Variants in MBNL3 observed in about 807,000 individuals in gnomAD.
MBNL3 encodes the protein muscleblind-like protein 3.
In MBNL3, 6 loss-of-function variants were observed where a neutral mutation model predicts 24.5. That is an observed-to-expected ratio of 0.25 (90% CI 0.13 to 0.48). MBNL3 has a LOEUF of 0.48. Ranked by LOEUF, MBNL3 falls within the 20% of genes least tolerant of loss-of-function variation. The probability of loss-of-function intolerance (pLI) is 0.99; values close to 1 mark genes in which losing one functional copy is unlikely to be tolerated. For synonymous variants in MBNL3, 100 were observed against 101.7 expected (o/e 0.98, Z 0.10); for missense variants, 230 against 293.5 (o/e 0.78, Z 1.58).
intron 1 of MBNL3, among the ~76,000 whole-genome samples, chrX:132,444,873 G>C (rs1453788630): frequency 2.7e-5 from 3 of 111,737 alleles, no homozygotes; most frequent in East Asian, 2.8e-4. Context: ...AGAGAAGAAA[G>C]ACATGTTTTC....
At chrX:132,417,436 CAAAACA>C (rs899884155) in intron 2 of MBNL3, among the ~76,000 whole-genome samples, 1 of 111,311 alleles carries the variant, frequency 9.0e-6, no homozygotes, top group African/African-American at 3.3e-5. Flanking sequence ...TCTCCACACC[CAAAACA>C]AGAAAAAAAT....
At chrX:132,469,956 A>G (rs1357392425) in intron 1 of MBNL3, among the ~76,000 whole-genome samples, 1 of 111,868 alleles carries the variant, frequency 8.9e-6, no homozygotes, top group Non-Finnish European at 1.9e-5. Context: ...TATAAATTGA[A>G]TCATATCGTA....
intron 3 of MBNL3, among the ~76,000 whole-genome samples, chrX:132,396,772 ACATATATATATTCATATATATATT>A (rs1486763504): frequency 9.2e-5 from 1 of 10,832 alleles, no homozygotes; most frequent in Admixed American, 1.9e-3. Context: ...ATTCATATAT[ACATATATATATTCATATATATATT>A]CATATATATT....
chrX:132,467,195 G>A (rs1289576802), intron 1 of MBNL3, among the ~76,000 whole-genome samples: 1 of 111,550 alleles, frequency 9.0e-6, no homozygotes, highest in African/African-American at 3.3e-5. Flanking sequence ...AGCCAACTAG[G>A]AGAAAGCATA....
chrX:132,482,113 G>A (rs1488564305), intron 1 of MBNL3, among the ~76,000 whole-genome samples: 3 of 112,201 alleles, frequency 2.7e-5, no homozygotes, highest in East Asian at 2.8e-4. Context: ...CTGGTTAATG[G>A]ACACAAAACT....
chrX:132,374,068 G>A lies in MBNL3; in HGVS notation c.*5598C>T, dbSNP rs760653058. On this transcript the variant is annotated 3_prime_UTR_variant, in exon 9 of 9. Transcript: ENST00000370853. ...GGTTACCGATTTGGTTTTGGTTACT[G>A]GATCTTAAAGGAGGAACAATGGTCA... The A allele has an allele frequency of 9.0e-6, 1 of 111,267 alleles. No individual in the cohort carries two copies. Among genetic ancestry groups the A allele is most frequent in the African/African-American group, 3.3e-5 (1 of 30,698 alleles). 9.2% of individuals were successfully genotyped at this position (111,267 alleles called of 1,213,427 possible).
intron 2 of MBNL3, 42 bp downstream of exon 2, chrX:132,439,393 A>C (rs756789231): frequency 9.1e-7 from 1 of 1,092,930 alleles, no homozygotes; most frequent in Admixed American, 3.3e-5. Flanking sequence ...AAAAACATAG[A>C]AATCAACAAA....
At chrX:132,487,403 G>A (rs938662098) in intron 1 of MBNL3, among the ~76,000 whole-genome samples, 4 of 112,471 alleles carry the variant, frequency 3.6e-5, no homozygotes, top group Non-Finnish European at 5.6e-5. Flanking sequence ...AAAAACTGCT[G>A]AAAATTTGTT....
chrX:132,420,964 A>G (rs1943759852), intron 2 of MBNL3, among the ~76,000 whole-genome samples: 1 of 112,271 alleles, frequency 8.9e-6, no homozygotes, highest in South Asian at 3.7e-4. Context: ...CCTCTAATGT[A>G]TTTGTTCCCA....
intron 3 of MBNL3, among the ~76,000 whole-genome samples, chrX:132,400,015 T>A (rs1247596618): frequency 9.1e-6 from 1 of 109,304 alleles, no homozygotes; most frequent in African/African-American, 3.3e-5. Flanking sequence ...ATAGAGGAGG[T>A]TACATGTAAT....
At chrX:132,397,078 C>G (rs1055830453) in intron 3 of MBNL3, among the ~76,000 whole-genome samples, 1 of 102,410 alleles carries the variant, frequency 9.8e-6, no homozygotes, top group Admixed American at 1.2e-4. Context: ...CTAAAATGTT[C>G]TTTTACATAG....
intron 1 of MBNL3, among the ~76,000 whole-genome samples, chrX:132,450,655 G>C (rs956894159): frequency 8.9e-6 from 1 of 112,221 alleles, no homozygotes; most frequent in African/African-American, 3.2e-5. Context: ...ACCTTCTGAA[G>C]CCTACTTCTG....
intron 1 of MBNL3, among the ~76,000 whole-genome samples, chrX:132,456,490 T>C (rs1946377359): frequency 8.9e-6 from 1 of 112,148 alleles, no homozygotes; most frequent in African/African-American, 3.2e-5. Flanking sequence ...ATAGTTAACA[T>C]GTATGGAGCT....
At chrX:132,467,778 T>G (rs1946967396) in intron 1 of MBNL3, among the ~76,000 whole-genome samples, 1 of 112,190 alleles carries the variant, frequency 8.9e-6, no homozygotes, top group Non-Finnish European at 1.9e-5. Context: ...CCATTTTCAA[T>G]GTTTATACTT....
At chrX:132,417,665 T>C (rs1453598270) in intron 2 of MBNL3, among the ~76,000 whole-genome samples, 1 of 111,698 alleles carries the variant, frequency 9.0e-6, no homozygotes, top group Non-Finnish European at 1.9e-5. Flanking sequence ...GCCTTTTAAT[T>C]AGCGGAATCC....
At chrX:132,391,685 C>G (rs1043763715) in intron 4 of MBNL3, among the ~76,000 whole-genome samples, 2 of 112,070 alleles carry the variant, frequency 1.8e-5, no homozygotes, top group African/African-American at 6.5e-5. Flanking sequence ...TATTTACTGC[C>G]TAGCACATCA....
At chrX:132,396,372 A>C (rs1296593809) in intron 3 of MBNL3, among the ~76,000 whole-genome samples, 5 of 86,183 alleles carry the variant, frequency 5.8e-5, no homozygotes, top group South Asian at 5.1e-4. Context: ...ATATATATTC[A>C]TATATATTCA....
At chrX:132,381,580 T>G (rs754900679) in intron 8 of MBNL3, 4 of 311,683 alleles carry the variant, frequency 1.3e-5, no homozygotes, top group Non-Finnish European at 1.7e-5. Flanking sequence ...AATTATTGTA[T>G]GTATCTCCTT....
chrX:132,437,178 T>C (rs895150556), intron 2 of MBNL3, among the ~76,000 whole-genome samples: 1 of 111,701 alleles, frequency 9.0e-6, no homozygotes, highest in Non-Finnish European at 1.9e-5. Context: ...AGTTTATTAA[T>C]GATTAGGAAG....
Sources: gnomAD v4.1 joint callset for allele counts (sites outside exome capture counted in the v4.1 genomes callset) on GRCh38, gnomAD v4.1.1 for gene constraint, MANE v1.5 for transcripts, NCBI Gene and HGNC (gene_info 2026-07-23, HGNC 2026-07-21) for gene names.